Variants in SWAP70 observed in about 807,000 individuals in gnomAD.
SWAP70 encodes switch-associated protein 70.
Under a neutral mutation model 80.2 loss-of-function variants are expected in SWAP70, and 34 were observed. The observed-to-expected ratio is 0.42, with a 90% CI of 0.32 to 0.56. The LOEUF is 0.56. Ranked by LOEUF, SWAP70 falls within the 20% of genes least tolerant of loss-of-function variation. The pLI is 0.09. For synonymous variants in SWAP70, 239 were observed against 238.5 expected (o/e 1.00, Z -0.02); for missense variants, 578 against 690.7 (o/e 0.84, Z 1.83).
intron 7 of SWAP70, among the ~76,000 whole-genome samples, chr11:9,737,318 G>A (rs768579518): frequency 7.9e-5 from 12 of 152,132 alleles, no homozygotes; most frequent in Non-Finnish European, 1.8e-4. Flanking sequence ...TGGGGGTGGG[G>A]AGGGAGTGCA....
chr11:9,687,014 TA>T (rs771413991), intron 1 of SWAP70, among the ~76,000 whole-genome samples: 16 of 152,212 alleles, frequency 1.1e-4, no homozygotes, highest in South Asian at 2.1e-4. Context: ...CAAAAAGTAG[TA>T]GCTCTTTTAA....
intron 9 of SWAP70, among the ~76,000 whole-genome samples, chr11:9,746,343 G>A (rs1306665974): frequency 6.6e-6 from 1 of 152,154 alleles, no homozygotes; most frequent in African/African-American, 2.4e-5. Flanking sequence ...ACCTGGAAAT[G>A]TCCATTCCCC....
intron 3 of SWAP70, among the ~76,000 whole-genome samples, chr11:9,716,890 A>G (rs900160770): frequency 3.9e-5 from 6 of 152,212 alleles, no homozygotes; most frequent in Non-Finnish European, 5.9e-5. Context: ...TTTCTGTAGC[A>G]GAAAGAGGAA....
At chr11:9,666,942 C>A (rs1387779925) in intron 1 of SWAP70, among the ~76,000 whole-genome samples, 1 of 152,060 alleles carries the variant, frequency 6.6e-6, no homozygotes, top group Non-Finnish European at 1.5e-5. Context: ...CCAGGGTGGT[C>A]TCAAACTCCT....
At chr11:9,686,215 A>G (rs1197417135) in intron 1 of SWAP70, among the ~76,000 whole-genome samples, 1 of 151,810 alleles carries the variant, frequency 6.6e-6, no homozygotes, top group South Asian at 2.1e-4. Context: ...TCTTTCTTAT[A>G]TATCTCTCTT....
chr11:9,671,692 A>G (rs1225824916), intron 1 of SWAP70, among the ~76,000 whole-genome samples: 1 of 110,762 alleles, frequency 9.0e-6, no homozygotes, highest in East Asian at 3.0e-4. Flanking sequence ...ATATATAAAT[A>G]TATTTCTATG....
intron 5 of SWAP70, among the ~76,000 whole-genome samples, chr11:9,728,916 C>T (rs535647013): frequency 7.9e-5 from 12 of 152,288 alleles, no homozygotes; most frequent in Admixed American, 2.6e-4. Context: ...ACAGAAACCA[C>T]GGGTTGCCAG....
chr11:9,740,046 C>T (rs551853258), intron 8 of SWAP70, 135 bp from the exon 9 acceptor site: 1 of 707,586 alleles, frequency 1.4e-6, no homozygotes, highest in South Asian at 1.9e-5. Flanking sequence ...TCTTTAAGTT[C>T]AAGGATTGAA....
chr11:9,738,688 C>A (rs1188041337), intron 8 of SWAP70, among the ~76,000 whole-genome samples: 65 of 98,378 alleles, frequency 6.6e-4, no homozygotes, highest in South Asian at 1.7e-3. Flanking sequence ...GCAATATCTA[C>A]AAAAAAAAAA....
chr11:9,671,032 C>T (rs944192636), intron 1 of SWAP70, among the ~76,000 whole-genome samples: 8 of 147,666 alleles, frequency 5.4e-5, no homozygotes, highest in African/African-American at 9.9e-5. Context: ...GGAGTACAGG[C>T]GTGAGCCACC....
chr11:9,717,056 A>G (rs1218050374), intron 3 of SWAP70, among the ~76,000 whole-genome samples: 1 of 152,204 alleles, frequency 6.6e-6, no homozygotes, highest in Non-Finnish European at 1.5e-5. Flanking sequence ...ATGGTAAGTG[A>G]GAAGTTGCCC....
chr11:9,685,444 G>A (rs1850618940), intron 1 of SWAP70, among the ~76,000 whole-genome samples: 1 of 152,110 alleles, frequency 6.6e-6, no homozygotes, highest in Non-Finnish European at 1.5e-5. Context: ...AGATCAAGAT[G>A]CTAGCAGATT....
intron 2 of SWAP70, among the ~76,000 whole-genome samples, chr11:9,708,013 A>G (rs2134467576): frequency 6.6e-6 from 1 of 152,250 alleles, no homozygotes; most frequent in East Asian, 1.9e-4. Flanking sequence ...CACCCAATGT[A>G]TATCACATTT....
intron 3 of SWAP70, among the ~76,000 whole-genome samples, chr11:9,724,435 G>T (rs551218722): frequency 6.6e-6 from 1 of 152,212 alleles, no homozygotes; most frequent in Non-Finnish European, 1.5e-5. Flanking sequence ...ACTATTAGAG[G>T]GTTATCAGTT....
At chr11:9,716,543 A>G (rs938904812) in intron 3 of SWAP70, among the ~76,000 whole-genome samples, 28 of 152,210 alleles carry the variant, frequency 1.8e-4, no homozygotes, top group Admixed American at 1.6e-3. Flanking sequence ...GGGGATAACT[A>G]CTTTCTTCAT....
chr11:9,694,816 T>TCCAC (rs1393358027), intron 2 of SWAP70, among the ~76,000 whole-genome samples: 19 of 152,314 alleles, frequency 1.2e-4, no homozygotes, highest in African/African-American at 4.3e-4. Context: ...CAATAGATGC[T>TCCAC]GGCGAGGCTG....
chr11:9,705,655 T>C (rs1041326127), intron 2 of SWAP70, among the ~76,000 whole-genome samples: 7 of 144,878 alleles, frequency 4.8e-5, no homozygotes, highest in Non-Finnish European at 8.9e-5. Context: ...TGGTGATCTG[T>C]ATACACTGGT....
intron 9 of SWAP70, chr11:9,740,590 C>G (rs1851423996): frequency 2.0e-6 from 1 of 512,572 alleles, no homozygotes; most frequent in Non-Finnish European, 3.5e-6. Flanking sequence ...TTAGAGCAGT[C>G]TGGTAGGTAT....
chr11:9,715,212 C>T (rs540000750), intron 3 of SWAP70, among the ~76,000 whole-genome samples: 5 of 152,086 alleles, frequency 3.3e-5, no homozygotes, highest in Non-Finnish European at 4.4e-5. Context: ...CTCCTGGCCT[C>T]AAGTGATCCC....
Sources: gnomAD v4.1 joint callset for allele counts (sites outside exome capture counted in the v4.1 genomes callset) on GRCh38, gnomAD v4.1.1 for gene constraint, MANE v1.5 for transcripts, NCBI Gene and HGNC (gene_info 2026-07-23, HGNC 2026-07-21) for gene names.